SLCO1A2: variants seen among roughly 807,000 people sequenced by gnomAD.
SLCO1A2 encodes solute carrier organic anion transporter family member 1A2.
SLCO1A2 carries 67 observed loss-of-function variants against 69.0 expected under a neutral mutation model. The ratio of observed to expected loss-of-function variants is 0.97; its 90% CI spans 0.80 to 1.19. The LOEUF is 1.19. Among genes scored for constraint, SLCO1A2 ranks in the 50% most tolerant of loss-of-function variants. SLCO1A2 has a pLI of 0.00. For missense variants in SLCO1A2, 787 were observed against 793.7 expected, an observed-to-expected ratio of 0.99 and a Z score of 0.10; for synonymous variants, 260 against 265.9, an observed-to-expected ratio of 0.98 and a Z score of 0.22.
intron 1 of SLCO1A2, chr12:21,378,176 A>T: frequency 6.9e-7 from 1 of 1,452,596 alleles, no homozygotes; most frequent in Non-Finnish European, 9.7e-7. Context: ...TTGATGTCAC[A>T]TGGCTGGATC....
In SLCO1A2 at chr12:21,304,551, T is replaced by C. The variant is rs1418512610; in HGVS notation, c.465A>G (p.Ser155=). 6.2e-7 allele frequency: 1 copy of C among 1,611,592 alleles called. No homozygotes were observed. ...DPSECTKEVK[S]LMWVYVLVGN... is the part of the protein sequence containing the mutation. Reference sequence around the variant, plus strand: ...CTACTAGGACGTACACCCACATTAATGATTTAACTTCCTTTGTACACTCTG... The same window carrying C: ...CTACTAGGACGTACACCCACATTAACGATTTAACTTCCTTTGTACACTCTG... The change falls in exon 6 of 15, where the codon TCA becomes TCG. Residue 155 remains serine (S), a synonymous_variant. Coordinates refer to ENST00000683939, the MANE Select transcript of SLCO1A2 (RefSeq NM_001386879.1).
At chr12:21,275,485 C>A (rs1943656900) in intron 12 of SLCO1A2, 61 bp from the exon 13 acceptor site, 2 of 1,314,410 alleles carry the variant, frequency 1.5e-6, no homozygotes, top group Non-Finnish European at 2.0e-6. Flanking sequence ...ATCATATTGT[C>A]TTGAAAAGGC....
chr12:21,373,963 T>C (rs1939996166), intron 2 of SLCO1A2, among the ~76,000 whole-genome samples: 1 of 152,184 alleles, frequency 6.6e-6, no homozygotes, highest in African/African-American at 2.4e-5. Context: ...AAAGAAGTAG[T>C]TAAAAAGCCA....
intron 4 of SLCO1A2, among the ~76,000 whole-genome samples, chr12:21,310,304 A>G (rs887669492): frequency 1.3e-5 from 2 of 152,270 alleles, no homozygotes; most frequent in Non-Finnish European, 2.9e-5. Flanking sequence ...TTTGCACTAT[A>G]TTGTAGCCTA....
chr12:21,289,753 T>TA (rs35667496), intron 12 of SLCO1A2, among the ~76,000 whole-genome samples: 3,154 of 143,364 alleles, frequency 0.022, 108 homozygotes, highest in African/African-American at 0.072. Context: ...AAGCCCAGGG[T>TA]AAAAAAAAAA....
At chr12:21,322,146 A>T (rs2136845491) in intron 2 of SLCO1A2, among the ~76,000 whole-genome samples, 1 of 152,366 alleles carries the variant, frequency 6.6e-6, no homozygotes, top group Non-Finnish European at 1.5e-5. Flanking sequence ...CTACAACAAA[A>T]TACCCTAAGC....
chr12:21,384,193 A>T (rs1352819823), intron 1 of SLCO1A2, among the ~76,000 whole-genome samples: 1 of 152,186 alleles, frequency 6.6e-6, no homozygotes. Flanking sequence ...TTTATTAAGA[A>T]TTTTAAAAGA....
At chr12:21,388,919 C>A (rs938414302) in intron 1 of SLCO1A2, among the ~76,000 whole-genome samples, 2 of 152,136 alleles carry the variant, frequency 1.3e-5, no homozygotes, top group Non-Finnish European at 2.9e-5. Context: ...CAAACATAGA[C>A]CTAGACCCTT....
intron 1 of SLCO1A2, among the ~76,000 whole-genome samples, chr12:21,415,948 T>C (rs1457599839): frequency 1.3e-5 from 2 of 152,146 alleles, no homozygotes; most frequent in East Asian, 1.9e-4. Context: ...TCTCTTTCAA[T>C]ACCTCATTCT....
At chr12:21,319,280 T>C (rs2136782563) in intron 2 of SLCO1A2, 1 of 1,243,846 alleles carries the variant, frequency 8.0e-7, no homozygotes, top group Non-Finnish European at 1.1e-6. Context: ...TGTACTGTAA[T>C]GAAAAGAAAG....
chr12:21,342,796 G>C (rs763143234), intron 2 of SLCO1A2, among the ~76,000 whole-genome samples: 13 of 151,970 alleles, frequency 8.6e-5, no homozygotes, highest in African/African-American at 1.9e-4. Context: ...ATTAATATTT[G>C]TAACTAACAT....
At chr12:21,269,895 A>T in intron 14 of SLCO1A2, 128 bp from the exon 15 acceptor site, 1 of 539,570 alleles carries the variant, frequency 1.9e-6, no homozygotes, top group Non-Finnish European at 2.9e-6. Context: ...GATCTTATAT[A>T]AGCAACTTTG....
At chr12:21,413,825 A>G (rs1315105432) in intron 1 of SLCO1A2, among the ~76,000 whole-genome samples, 1 of 152,036 alleles carries the variant, frequency 6.6e-6, no homozygotes, top group Non-Finnish European at 1.5e-5. Context: ...CGGCTGTTTG[A>G]ATAGATTTAC....
rs780819193 is a variant in SLCO1A2, at chr12:21,293,954, T to C, written c.1428A>G (p.Gly476=). Residue 476 remains glycine (G), a synonymous_variant, in exon 11 of 15, where the codon GGA becomes GGG. Coordinates refer to ENST00000683939, the MANE Select transcript of SLCO1A2 (RefSeq NM_001386879.1). ...LAGCETSIGT[G]INMVFQNCSC... The stretch of plus-strand genomic sequence containing the variant: ...AAATAGGATGTCTTACCATGTTTAT[T>C]CCCGTTCCAATGGATGTCTCACAAC... The C allele has an allele frequency of 4.4e-6, 7 of 1,608,174 alleles. No individual in the cohort carries two copies. The South Asian group carries it at 7.8e-5, about 18-fold the overall frequency.
intron 1 of SLCO1A2, among the ~76,000 whole-genome samples, chr12:21,394,267 G>T (rs879714439): frequency 6.6e-6 from 1 of 152,134 alleles, no homozygotes; most frequent in African/African-American, 2.4e-5. Context: ...GGTCAGTGCA[G>T]TGGGCTGTGA....
rs1011940123 is a variant in SLCO1A2 at position 21,330,860 on chromosome 12, C to T, written c.60+3728G>A. On this transcript the variant is annotated intron_variant, in intron 2 of 14. Transcript: ENST00000683939. The stretch of plus-strand genomic sequence containing the variant: ...TTTTAACAAATTCCTGTTTTACTAA[C>T]CTTATTACAACTTACACAGACCATT... Among the ~76,000 whole-genome samples the T allele has an allele frequency of 9.9e-5, 15 of 152,080 alleles. 1 individual carries two copies. The highest frequency in any genetic ancestry group is 8.5e-4 in the Admixed American group (13 of 15,250).
chr12:21,288,144 G>C (rs1312323003), intron 12 of SLCO1A2, among the ~76,000 whole-genome samples: 1 of 152,006 alleles, frequency 6.6e-6, no homozygotes, highest in Non-Finnish European at 1.5e-5. Context: ...ACTTGTGGGA[G>C]CTAAAAATGA....
At chr12:21,276,387 GACACACACACACACACACAC>G (rs3060629) in intron 12 of SLCO1A2, among the ~76,000 whole-genome samples, 2 of 141,906 alleles carry the variant, frequency 1.4e-5, no homozygotes, top group African/African-American at 2.5e-5. Context: ...GATAAATATG[GACACACACACACACACACAC>G]ACACACACAC....
intron 3 of SLCO1A2, among the ~76,000 whole-genome samples, chr12:21,316,199 A>G (rs1438122826): frequency 6.6e-6 from 1 of 152,132 alleles, no homozygotes; most frequent in Admixed American, 6.5e-5. Context: ...TGCCCATCTG[A>G]CCACCCAACA....
Sources: gnomAD v4.1 joint callset for allele counts (sites outside exome capture counted in the v4.1 genomes callset) on GRCh38, gnomAD v4.1.1 for gene constraint, MANE v1.5 for transcripts, NCBI Gene and HGNC (gene_info 2026-07-23, HGNC 2026-07-21) for gene names.